Variants in GRM7 observed in about 807,000 individuals in gnomAD.
GRM7 encodes metabotropic glutamate receptor 7.
In GRM7, 35 loss-of-function variants were observed where a neutral mutation model predicts 84.5. The observed-to-expected ratio is 0.41, with a 90% CI of 0.32 to 0.55. The LOEUF is 0.55. Among genes scored for constraint, GRM7 ranks in the 20% least tolerant of loss-of-function variants. The pLI is 0.19. For missense variants in GRM7, 1,003 were observed against 1,194.6 expected (o/e 0.84, Z 2.36); for synonymous variants, 487 against 455.1 (o/e 1.07, Z -0.89).
rs1462014315 is a variant in GRM7 at position 6,928,781 on chromosome 3, G to C, written c.519+66874G>C. Among the ~76,000 whole-genome samples the C allele has an allele frequency of 6.6e-6, 1 of 152,142 alleles. No individual in the cohort carries two copies. The highest frequency in any genetic ancestry group is 1.5e-5 in the Non-Finnish European group (1 of 68,030). Reference sequence around the variant, plus strand: ...ATTGTAGCCTTCTGCTATATTTACTGTTAGAAAATGTTCTTTTAAATTGAG... The same window carrying C: ...ATTGTAGCCTTCTGCTATATTTACTCTTAGAAAATGTTCTTTTAAATTGAG... On this transcript the variant is annotated intron_variant, in intron 1 of 9. Transcript: ENST00000357716. The surrounding 1 kb of genome is among the most constrained non-coding windows in gnomAD (Gnocchi z 4.5).
intron 2 of GRM7, among the ~76,000 whole-genome samples, chr3:7,180,387 A>G (rs1395771915): frequency 1.3e-5 from 2 of 152,190 alleles, no homozygotes; most frequent in African/African-American, 4.8e-5. Context: ...CTCACTTTTC[A>G]TAAGAGCCTA....
At chr3:7,637,231 A>G (rs1698136719) in intron 8 of GRM7, among the ~76,000 whole-genome samples, 1 of 152,160 alleles carries the variant, frequency 6.6e-6, no homozygotes, top group Non-Finnish European at 1.5e-5. Flanking sequence ...ATAACCTTAA[A>G]TTCCTGGGGT....
chr3:7,547,303 T>G (rs1693210668), intron 7 of GRM7, among the ~76,000 whole-genome samples: 1 of 146,776 alleles, frequency 6.8e-6, no homozygotes, highest in South Asian at 2.2e-4. Context: ...ACCCCCCGGG[T>G]TCACGCCATT....
intron 2 of GRM7, among the ~76,000 whole-genome samples, chr3:7,161,518 T>C (rs1694625005): frequency 6.6e-6 from 1 of 152,052 alleles, no homozygotes. Context: ...GTTCCTTCCT[T>C]AGAAGGCTTT....
chr3:7,222,170 C>G (rs1406944743), intron 2 of GRM7, among the ~76,000 whole-genome samples: 2 of 152,048 alleles, frequency 1.3e-5, no homozygotes, highest in Non-Finnish European at 2.9e-5. Flanking sequence ...ATTTGTGAAT[C>G]ATCATCAACA....
Position 7,093,701 on chromosome 3 carries a change from AAAAAAAAAAAAAAG to A in GRM7, c.520-52750_520-52737del, listed in dbSNP as rs1338454901. 5.7e-4 allele frequency among the ~76,000 whole-genome samples: 56 copies of A among 97,856 alleles called. 4 individuals carry two copies. Among genetic ancestry groups the A allele is most frequent in the South Asian group, 1.4e-3 (4 of 2,926 alleles). The allele number at this position is 97,856 out of a possible 152,430, so 64.2% of individuals were successfully genotyped here. A position where few individuals can be genotyped will look rare whatever the true frequency, so the allele number is the denominator to read the frequency against. Reference sequence around the variant, plus strand: ...CAAAAAAAAAAAAAAAAAAAAAAAAAAAAAAAAAAAAAAGGTAGTTAGTGGCCTTTGCTCTTTTA... The same window carrying A: ...CAAAAAAAAAAAAAAAAAAAAAAAAAGTAGTTAGTGGCCTTTGCTCTTTTA... On this transcript the variant is annotated intron_variant, in intron 1 of 9. Coordinates refer to ENST00000357716, the MANE Select transcript of GRM7 (RefSeq NM_000844.4).
rs557187980 is a variant in GRM7 at position 7,731,756 on chromosome 3, T to C, written c.2699-8601T>C. On this transcript the variant is annotated intron_variant, in intron 9 of 9. Transcript: ENST00000357716. The stretch of plus-strand genomic sequence containing the variant: ...AACACCACAATTGTAGACTGGCCTT[T>C]TGAGATAGCTTTTCTGTTTGTTTTG... 2.6e-5 allele frequency among the ~76,000 whole-genome samples: 4 copies of C among 152,258 alleles called. No individual in the cohort carries two copies. The South Asian group carries it at 8.3e-4, about 32-fold the overall frequency.
At chr3:6,916,618 G>T (rs1516571) in intron 1 of GRM7, among the ~76,000 whole-genome samples, 1 of 152,030 alleles carries the variant, frequency 6.6e-6, no homozygotes, top group South Asian at 2.1e-4. Flanking sequence ...ATGGTGGAAG[G>T]GGGGAACAAG....
chr3:7,490,408 A>C (rs1420292466), intron 7 of GRM7, among the ~76,000 whole-genome samples: 1 of 152,140 alleles, frequency 6.6e-6, no homozygotes, highest in East Asian at 1.9e-4. Context: ...GGCATACATA[A>C]GCATAGCACC....
intron 1 of GRM7, among the ~76,000 whole-genome samples, chr3:6,898,141 A>C (rs1459763528): frequency 1.3e-5 from 2 of 152,166 alleles, no homozygotes; most frequent in African/African-American, 4.8e-5. Flanking sequence ...ATGGAGAAAG[A>C]ATTCGAAAGG....
chr3:7,435,180 G>A (rs560426589), intron 5 of GRM7, among the ~76,000 whole-genome samples: 12 of 150,200 alleles, frequency 8.0e-5, no homozygotes, highest in Non-Finnish European at 1.5e-4. Context: ...TTTTTTGGGC[G>A]GGGGACAGTG....
At chr3:7,411,509 T>C (rs1695935352) in intron 4 of GRM7, among the ~76,000 whole-genome samples, 1 of 152,212 alleles carries the variant, frequency 6.6e-6, no homozygotes, top group South Asian at 2.1e-4. Flanking sequence ...CTACTTTTAC[T>C]GTAATAATTT....
chr3:7,181,069 C>T (rs901965912), intron 2 of GRM7, among the ~76,000 whole-genome samples: 3 of 152,116 alleles, frequency 2.0e-5, no homozygotes, highest in Non-Finnish European at 2.9e-5. Context: ...GGTTCAGTGT[C>T]CACTCATTAA....
chr3:7,244,834 T>C (rs1421853272), intron 2 of GRM7, among the ~76,000 whole-genome samples: 1 of 152,042 alleles, frequency 6.6e-6, no homozygotes, highest in Admixed American at 6.6e-5. Context: ...GAACAGTCTA[T>C]AGAAGCAAAC....
At chr3:7,210,529 A>C (rs534126805) in intron 2 of GRM7, among the ~76,000 whole-genome samples, 1 of 152,362 alleles carries the variant, frequency 6.6e-6, no homozygotes, top group East Asian at 1.9e-4. Flanking sequence ...AATCAAGTGA[A>C]GAAAAGAAAT....
intron 7 of GRM7, among the ~76,000 whole-genome samples, chr3:7,482,263 C>A (rs963938712): frequency 6.6e-6 from 1 of 152,100 alleles, no homozygotes; most frequent in Non-Finnish European, 1.5e-5. Flanking sequence ...ATCCTATAAA[C>A]CCTGTAAGTT....
intron 1 of GRM7, among the ~76,000 whole-genome samples, chr3:6,950,443 G>T (rs527966052): frequency 1.6e-4 from 24 of 152,288 alleles, no homozygotes; most frequent in African/African-American, 5.8e-4. Context: ...GTACCCGGCC[G>T]TGTGAGGTGT....
chr3:7,728,877 CT>C (rs1188194586), intron 9 of GRM7, among the ~76,000 whole-genome samples: 1 of 152,180 alleles, frequency 6.6e-6, no homozygotes, highest in Non-Finnish European at 1.5e-5. Context: ...TAGAATCCCA[CT>C]GTAGTACTGA....
chr3:7,044,691 T>C (rs1461475196), intron 1 of GRM7, among the ~76,000 whole-genome samples: 8 of 152,184 alleles, frequency 5.3e-5, no homozygotes, highest in Non-Finnish European at 8.8e-5. Context: ...TTTTCTCCTA[T>C]GGAAATGTGG....
Sources: allele counts gnomAD v4.1 joint callset (sites outside exome capture counted in the v4.1 genomes callset), GRCh38; gene constraint gnomAD v4.1.1; non-coding constraint Gnocchi (gnomAD v3.1); transcripts MANE v1.5; gene names NCBI Gene and HGNC (gene_info 2026-07-23, HGNC 2026-07-21).